Variants in ANKRD55 observed in about 807,000 individuals in gnomAD.
ANKRD55 encodes the protein ankyrin repeat domain-containing protein 55.
A neutral mutation model predicts 60.6 loss-of-function variants in ANKRD55; 41 were observed. The observed-to-expected ratio is 0.68, with a 90% confidence interval of 0.53 to 0.88. The LOEUF (loss-of-function observed/expected upper bound fraction) is 0.88. ANKRD55 is among the 40% of genes least tolerant of loss of function. The pLI is 0.00. For synonymous variants in ANKRD55, 264 were observed against 290.3 expected, an observed-to-expected ratio of 0.91 and a Z score of 0.92; for missense variants, 732 against 767.6, an observed-to-expected ratio of 0.95 and a Z score of 0.55.
chr5:56,210,169 G>A (rs1452363967), intron 2 of ANKRD55, among the ~76,000 whole-genome samples: 1 of 151,722 alleles, frequency 6.6e-6, no homozygotes, highest in Non-Finnish European at 1.5e-5. Flanking sequence ...CACCACCCCC[G>A]AAATGGTCAT....
Position 56,127,059 on chromosome 5 carries a change from C to T in ANKRD55, c.660G>A (p.Gly220=). ...CATCATCATAGTTGATTATGGACGGCCCCTGGTGATGGCTCAGAATGATGG... is the reference window on the plus strand; with the variant it reads ...CATCATCATAGTTGATTATGGACGGTCCCTGGTGATGGCTCAGAATGATGG... The part of the protein sequence containing the change: ...LCSIILSHHQ[G]PSIINYDDES... The change falls in exon 8 of 12, where the codon GGG becomes GGA. Residue 220 remains glycine, a synonymous_variant. Transcript: ENST00000341048. The T allele has an allele frequency of 6.2e-7, 1 of 1,613,470 alleles. No individual in the cohort carries two copies. The highest frequency in any genetic ancestry group is 8.5e-7 in the Non-Finnish European group (1 of 1,179,698).
intron 4 of ANKRD55, among the ~76,000 whole-genome samples, chr5:56,171,915 G>A (rs1157111375): frequency 6.6e-6 from 1 of 151,960 alleles, no homozygotes; most frequent in African/African-American, 2.4e-5. Flanking sequence ...TCAGGAGATC[G>A]AGACCATCCT....
In ANKRD55 at chr5:56,176,280, A is replaced by G. The variant is rs201227199; in HGVS notation, c.184T>C (p.Cys62Arg). ...SILECCDSEG[C>R]TPLMHAVSGR... ...GAAACCGCATGCATCAAGGGCGTGC[A>G]TCCTGGAATGAGACATTTCAACAGC... The change falls in exon 4 of 12, where the codon TGC (cysteine) becomes CGC (arginine). Residue 62 changes from cysteine (C) to arginine (R), a missense_variant and splice_region_variant. Cys to Arg is a radical substitution (Grantham distance 180). Around this residue, in one of 3 missense-constraint regions of ANKRD55, gnomAD observed 131 missense variants for 142.7 expected, o/e 0.92. Transcript: ENST00000341048. 2.5e-6 allele frequency: 4 copies of G among 1,614,230 alleles called. No homozygotes were observed. Among genetic ancestry groups the G allele is most frequent in the Admixed American group, 3.3e-5 (2 of 60,026 alleles).
At chr5:56,136,612 C>A (rs945242762) in intron 7 of ANKRD55, among the ~76,000 whole-genome samples, 1 of 152,092 alleles carries the variant, frequency 6.6e-6, no homozygotes, top group Admixed American at 6.6e-5. Context: ...AAACTGATCA[C>A]AGACCTAAAT....
At chr5:56,217,161 G>C (rs1023271267) in intron 2 of ANKRD55, among the ~76,000 whole-genome samples, 1 of 152,160 alleles carries the variant, frequency 6.6e-6, no homozygotes, top group African/African-American at 2.4e-5. Context: ...CTCTGTAAAT[G>C]GAATAACAAA....
chr5:56,194,315 CAAAA>C (rs551227581), intron 2 of ANKRD55, among the ~76,000 whole-genome samples: 5 of 57,944 alleles, frequency 8.6e-5, no homozygotes, highest in Admixed American at 2.0e-4. Flanking sequence ...GACTCCATCT[CAAAA>C]AAAAAAAAAA....
intron 9 of ANKRD55, among the ~76,000 whole-genome samples, chr5:56,112,511 A>AAAAAACAAAAAAAAACAAAAAAAAAAC (rs1554036586): frequency 2.5e-5 from 2 of 81,530 alleles, no homozygotes; most frequent in African/African-American, 1.1e-4. Flanking sequence ...TAGCAAAAAA[A>AAAAAACAAAAAAAAACAAAAAAAAAAC]AAAAAAAAAA....
chr5:56,232,447 CA>C lies in ANKRD55; in HGVS notation c.58+408del, dbSNP rs774427997. Among the ~76,000 whole-genome samples, 5 of 151,732 alleles carry C rather than the reference CA, an allele frequency of 3.3e-5. No homozygotes were observed. The East Asian group carries it at 7.7e-4, about 23-fold the overall frequency. ...ATGAGATACTGGGCTAATCGAATGA[CA>C]AAAAAAATGTGATGTGTTCTTACAT... On this transcript the variant is annotated intron_variant, in intron 2 of 11. Transcript: ENST00000341048.
chr5:56,184,163 A>G (rs982773719), intron 2 of ANKRD55, among the ~76,000 whole-genome samples: 3 of 152,164 alleles, frequency 2.0e-5, no homozygotes, highest in Non-Finnish European at 4.4e-5. Flanking sequence ...TTGCTTGCCC[A>G]TGAGAGGCAC....
intron 2 of ANKRD55, among the ~76,000 whole-genome samples, chr5:56,231,205 T>C (rs974626352): frequency 8.5e-5 from 13 of 152,120 alleles, no homozygotes; most frequent in Admixed American, 2.0e-4. Flanking sequence ...GAAATAGAGA[T>C]AAAGATGGCA....
At chr5:56,111,852 C>T (rs556418697) in intron 9 of ANKRD55, 70 bp from the exon 10 acceptor site, 26 of 1,352,516 alleles carry the variant, frequency 1.9e-5, no homozygotes, top group Middle Eastern at 2.8e-4. Context: ...ACCGAAATAC[C>T]GACCCCCTAT....
chr5:56,229,003 C>T (rs1358307478), intron 2 of ANKRD55, among the ~76,000 whole-genome samples: 6 of 151,948 alleles, frequency 3.9e-5, no homozygotes, highest in East Asian at 1.9e-4. Flanking sequence ...GACCCTGGCA[C>T]GGCCAGGCCC....
At chr5:56,189,968 T>C (rs1759054934) in intron 2 of ANKRD55, among the ~76,000 whole-genome samples, 1 of 152,212 alleles carries the variant, frequency 6.6e-6, no homozygotes, top group South Asian at 2.1e-4. Context: ...TTTCCCCATA[T>C]CCTTGCTAAC....
intron 2 of ANKRD55, among the ~76,000 whole-genome samples, chr5:56,186,584 G>A (rs1189219128): frequency 6.6e-6 from 1 of 152,104 alleles, no homozygotes; most frequent in Non-Finnish European, 1.5e-5. Flanking sequence ...AACAAGGCCT[G>A]GCATATAATA....
chr5:56,111,001 C>T (rs555902884), intron 10 of ANKRD55, 117 bp downstream of exon 10: 2 of 1,255,080 alleles, frequency 1.6e-6, no homozygotes, highest in African/African-American at 1.5e-5. Flanking sequence ...TCTAATCACT[C>T]ATTTTATTCT....
At chr5:56,199,438 T>C (rs191606474) in intron 2 of ANKRD55, among the ~76,000 whole-genome samples, 99 of 152,296 alleles carry the variant, frequency 6.5e-4, no homozygotes, top group Non-Finnish European at 1.2e-3. Context: ...TTATGAATGG[T>C]TTAAAAATGT....
intron 2 of ANKRD55, among the ~76,000 whole-genome samples, chr5:56,218,807 C>CAG (rs144350160): frequency 4.0e-5 from 6 of 149,782 alleles, no homozygotes; most frequent in East Asian, 1.9e-4. Context: ...GACACACACA[C>CAG]AGAGAGAGAG....
At chr5:56,198,369 T>A (rs750950326) in intron 2 of ANKRD55, among the ~76,000 whole-genome samples, 1 of 152,048 alleles carries the variant, frequency 6.6e-6, no homozygotes, top group Non-Finnish European at 1.5e-5. Context: ...CACCGCAACC[T>A]CTGCCTCCTG....
At chr5:56,115,029 A>G (rs116454260) in intron 9 of ANKRD55, among the ~76,000 whole-genome samples, 61 of 151,904 alleles carry the variant, frequency 4.0e-4, no homozygotes, top group African/African-American at 1.3e-3. Flanking sequence ...CAAAAAAATA[A>G]AAAACCAAAA....
Sources: gnomAD v4.1 joint callset for allele counts (sites outside exome capture counted in the v4.1 genomes callset) on GRCh38, gnomAD v4.1.1 for gene constraint, gnomAD v4.1.1 regional missense constraint, MANE v1.5 for transcripts, NCBI Gene and HGNC (gene_info 2026-07-23, HGNC 2026-07-21) for gene names.